TAS1R3: variants seen among roughly 807,000 people sequenced by gnomAD.
The protein encoded by TAS1R3 is taste 1 receptor member 3.
TAS1R3 carries 58 observed loss-of-function variants against 46.1 expected under a neutral mutation model. The ratio of observed to expected loss-of-function variants is 1.26; its 90% CI spans 1.02 to 1.57. TAS1R3 has a LOEUF of 1.57. TAS1R3 is among the 40% of genes most tolerant of loss of function. The probability of loss-of-function intolerance (pLI) is 0.00; values close to 1 mark genes in which losing one functional copy is unlikely to be tolerated. For missense variants in TAS1R3, 1,422 were observed against 1,185.8 expected, an observed-to-expected ratio of 1.20 and a Z score of -2.93; for synonymous variants, 724 against 544.7, an observed-to-expected ratio of 1.33 and a Z score of -4.58.
Position 1,332,194 on chromosome 1 carries a change from G to C in TAS1R3, c.663G>C (p.Gln221His), listed in dbSNP as rs1411531324. Residue 221 changes from glutamine (Q) to histidine (H), a missense_variant, in exon 3 of 6, where the codon CAG becomes CAC. Transcript: ENST00000339381. The stretch of plus-strand genomic sequence containing the variant: ...GCAGCGACGACGAGTACGGCCGGCA[G>C]GGCCTGAGCATCTTCTCGGCCCTGG... ...ALGSDDEYGR[Q>H]GLSIFSALAA... 5 of 1,595,106 alleles carry C rather than the reference G, an allele frequency of 3.1e-6. No individual in the cohort carries two copies. The highest frequency in any genetic ancestry group is 1.7e-6 in the Non-Finnish European group (2 of 1,177,378).
chr1:1,331,537 G>C lies in TAS1R3; in HGVS notation c.191+1G>C. ...GGCCCAGCAGCCCTGTGTGCACCAG[G>C]TACAGAGGTGGGACGGCCTGGGTCG... On this transcript the variant is annotated splice_donor_variant, in intron 1 of 5. Coordinates refer to ENST00000339381, the MANE Select transcript of TAS1R3 (RefSeq NM_152228.3). LOFTEE classifies it high-confidence loss of function. 1 of 1,598,576 alleles carries C rather than the reference G, an allele frequency of 6.3e-7. No homozygotes were observed. The highest frequency in any genetic ancestry group is 8.5e-7 in the Non-Finnish European group (1 of 1,172,962).
chr1:1,333,757 T>C lies in TAS1R3; in HGVS notation c.1852T>C (p.Cys618Arg). The change falls in exon 6 of 6, where the codon TGC (cysteine) becomes CGC (arginine). Residue 618 changes from cysteine to arginine, a missense_variant. Cys to Arg is a radical substitution (Grantham distance 180, BLOSUM62 -3). Transcript: ENST00000339381. ...CFGLVCLGLV[C>R]LSVLLFPGQP... ...TGGCCTGGTGTGCCTGGGCCTGGTC[T>C]GCCTCAGCGTCCTCCTGTTCCCTGG... 1 of 1,597,528 alleles carries C rather than the reference T, an allele frequency of 6.3e-7. No individual in the cohort carries two copies. Among genetic ancestry groups the C allele is most frequent in the South Asian group, 1.1e-5 (1 of 89,934 alleles).
At chr1:1,333,228 G>T in intron 4 of TAS1R3, 31 bp from the exon 5 acceptor site, 2 of 1,595,812 alleles carry the variant, frequency 1.3e-6, no homozygotes, top group South Asian at 1.1e-5. Context: ...ATGCCCAGCC[G>T]AGCAGAGCCA....
In TAS1R3 at chr1:1,332,491, G is replaced by C; in HGVS notation, c.960G>C (p.Thr320=). The change falls in exon 3 of 6, where the codon ACG becomes ACC. Residue 320 remains threonine, a synonymous_variant. Transcript: ENST00000339381. The part of the protein sequence containing the change: ...MGLPGMAQMG[T]VLGFLQRGAQ... ...TGCCCGGCATGGCCCAGATGGGCACGGTGCTTGGCTTCCTCCAGAGGGGTG... is the reference window on the plus strand; with the variant it reads ...TGCCCGGCATGGCCCAGATGGGCACCGTGCTTGGCTTCCTCCAGAGGGGTG... 16 of 1,610,600 alleles carry C rather than the reference G, an allele frequency of 9.9e-6. No individual in the cohort carries two copies. The highest frequency in any genetic ancestry group is 1.4e-5 in the Non-Finnish European group (16 of 1,179,918).
In TAS1R3 at chr1:1,332,394, T is replaced by G; in HGVS notation, c.863T>G (p.Ile288Ser). The change falls in exon 3 of 6, where the codon ATC becomes AGC. Residue 288 changes from isoleucine to serine, a missense_variant. Physicochemically the swap from Ile to Ser is moderately radical, Grantham distance 142. Transcript: ENST00000339381. ...GCCCACGCCCTCTTCAACTACAGCA[T>G]CAGCAGCAGGCTCTCGCCCAAGGTG... is the stretch of plus-strand genomic sequence containing the variant. ...HAAHALFNYS[I>S]SSRLSPKVWV... is the part of the protein sequence containing the mutation. 2 of 1,603,214 alleles carry G rather than the reference T, an allele frequency of 1.2e-6. No homozygotes were observed. Among genetic ancestry groups the G allele is most frequent in the Non-Finnish European group, 1.7e-6 (2 of 1,176,078 alleles).
chr1:1,334,626 G>A lies in TAS1R3; in HGVS notation c.*162G>A, dbSNP rs1400930648. The A allele has an allele frequency of 9.0e-6, 7 of 781,826 alleles. No homozygotes were observed. Among genetic ancestry groups the A allele is most frequent in the African/African-American group, 3.5e-5 (2 of 57,184 alleles). 48.4% of individuals were successfully genotyped at this position (781,826 alleles called of 1,614,324 possible). A position where few individuals can be genotyped will look rare whatever the true frequency, so the allele number is the denominator to read the frequency against. On this transcript the variant is annotated 3_prime_UTR_variant, in exon 6 of 6. Coordinates refer to ENST00000339381, the MANE Select transcript of TAS1R3 (RefSeq NM_152228.3). ...ACAGTGAGCCCTAGGCCTGGAGCAC[G>A]TGGACACCCCTGTGACCATCTGGGC... is the stretch of plus-strand genomic sequence containing the variant.
chr1:1,332,646 A>G lies in TAS1R3; in HGVS notation c.1115A>G (p.Gln372Arg), dbSNP rs1280813075. The G allele has an allele frequency of 1.9e-6, 3 of 1,608,214 alleles. No individual in the cohort carries two copies. Among genetic ancestry groups the G allele is most frequent in the Admixed American group, 1.7e-5 (1 of 59,936 alleles). Reference sequence around the variant, plus strand: ...GACGTGGTGGGCCAGCGCTGCCCGCAGTGTGACTGCATCACGCTGCAGAAC... The same window carrying G: ...GACGTGGTGGGCCAGCGCTGCCCGCGGTGTGACTGCATCACGCTGCAGAAC... ...EEDVVGQRCP[Q>R]CDCITLQNVS... The change falls in exon 3 of 6, where the codon CAG becomes CGG. Residue 372 changes from glutamine to arginine, a missense_variant. Coordinates refer to ENST00000339381, the MANE Select transcript of TAS1R3 (RefSeq NM_152228.3).
Position 1,333,557 on chromosome 1 carries a change from G to C in TAS1R3, c.1652G>C (p.Ser551Thr). Residue 551 changes from serine to threonine, a missense_variant, in exon 6 of 6, where the codon AGC (serine) becomes ACC (threonine). Transcript: ENST00000339381. ...CGQDEWSPER[S>T]TRCFRRRSRF... ...CAGGATGAGTGGTCCCCGGAGCGAA[G>C]CACACGCTGCTTCCGCCGCAGGTCT... The C allele has an allele frequency of 6.2e-7, 1 of 1,604,620 alleles. No homozygotes were observed. The highest frequency in any genetic ancestry group is 8.5e-7 in the Non-Finnish European group (1 of 1,179,870).
chr1:1,331,820 T>C lies in TAS1R3; in HGVS notation c.374T>C (p.Ile125Thr). 1 of 1,612,786 alleles carries C rather than the reference T, an allele frequency of 6.2e-7. No individual in the cohort carries two copies. The highest frequency in any genetic ancestry group is 8.5e-7 in the Non-Finnish European group (1 of 1,180,022). ...MFLAKAGSRD[I>T]AAYCNYTQYQ... is the part of the protein sequence containing the mutation. Reference sequence around the variant, plus strand: ...CTGGCCAAGGCAGGCAGCCGCGACATCGCCGCCTACTGCAACTACACGCAG... The same window carrying C: ...CTGGCCAAGGCAGGCAGCCGCGACACCGCCGCCTACTGCAACTACACGCAG... The change falls in exon 2 of 6, where the codon ATC becomes ACC. Residue 125 changes from isoleucine to threonine, a missense_variant. Physicochemically the swap from Ile to Thr is moderately conservative, Grantham distance 89. Coordinates refer to ENST00000339381, the MANE Select transcript of TAS1R3 (RefSeq NM_152228.3).
chr1:1,331,622 T>C lies in TAS1R3; in HGVS notation c.192-16T>C. On this transcript the variant is annotated splice_polypyrimidine_tract_variant and intron_variant, in intron 1 of 5. Coordinates refer to ENST00000339381, the MANE Select transcript of TAS1R3 (RefSeq NM_152228.3). ...CTGGGGCCGAGGTGGCCATCTGCGG[T>C]TCTGTGTGGCCCCAGGTTCTCCTCA... 1 of 1,607,840 alleles carries C rather than the reference T, an allele frequency of 6.2e-7. No homozygotes were observed. The highest frequency in any genetic ancestry group is 2.2e-5 in the East Asian group (1 of 44,722).
rs376312162 is a variant in TAS1R3, at chr1:1,332,008, C to T, written c.493-16C>T. ...TGGGAGCCCCTGTGTCAGGAGATGC[C>T]TCTTGGCCCTTGCAGGTCAGCTACG... On this transcript the variant is annotated splice_polypyrimidine_tract_variant and intron_variant, in intron 2 of 5. Transcript: ENST00000339381. 8.1e-6 allele frequency: 13 copies of T among 1,603,414 alleles called. No homozygotes were observed. The highest frequency in any genetic ancestry group is 1.1e-5 in the Non-Finnish European group (13 of 1,177,328).
Position 1,334,600 on chromosome 1 carries a change from C to A in TAS1R3, c.*136C>A. ...CCAGGTTGTCTCCTGACCCTGACCC[C>A]ACAGTGAGCCCTAGGCCTGGAGCAC... On this transcript the variant is annotated 3_prime_UTR_variant, in exon 6 of 6. Coordinates refer to ENST00000339381, the MANE Select transcript of TAS1R3 (RefSeq NM_152228.3). 9.9e-7 allele frequency: 1 copy of A among 1,009,954 alleles called. No homozygotes were observed. Among genetic ancestry groups the A allele is most frequent in the Non-Finnish European group, 1.4e-6 (1 of 711,742 alleles). 62.6% of individuals were successfully genotyped at this position (1,009,954 alleles called of 1,614,324 possible). A position where few individuals can be genotyped will look rare whatever the true frequency, so the allele number is the denominator to read the frequency against.
chr1:1,332,010 C>T lies in TAS1R3; in HGVS notation c.493-14C>T. The stretch of plus-strand genomic sequence containing the variant: ...GGAGCCCCTGTGTCAGGAGATGCCT[C>T]TTGGCCCTTGCAGGTCAGCTACGGT... On this transcript the variant is annotated splice_polypyrimidine_tract_variant and intron_variant, in intron 2 of 5. Transcript: ENST00000339381. 1 of 1,610,444 alleles carries T rather than the reference C, an allele frequency of 6.2e-7. No individual in the cohort carries two copies.
In TAS1R3 at chr1:1,331,401, CG is replaced by C; in HGVS notation, c.61del (p.Ala21ProfsTer11). 6.2e-7 allele frequency: 1 copy of C among 1,605,474 alleles called. No individual in the cohort carries two copies. The highest frequency in any genetic ancestry group is 8.5e-7 in the Non-Finnish European group (1 of 1,176,524). On this transcript the variant is annotated frameshift_variant, in exon 1 of 6. Transcript: ENST00000339381. LOFTEE classifies it high-confidence loss of function. Reference sequence around the variant, plus strand: ...CTCTGGGCTCTCCTGCACCCTGGGACGGGGGCCCCATTGTGCCTGTCACAGC... The same window carrying C: ...CTCTGGGCTCTCCTGCACCCTGGGACGGGGCCCCATTGTGCCTGTCACAGC... ...LSLWALLHPG[T>X]GAPLCLSQQL...
rs1643437504 is a variant in TAS1R3, at chr1:1,331,948, C to A, written c.492+10C>A. 6.2e-6 allele frequency: 10 copies of A among 1,608,976 alleles called. No individual in the cohort carries two copies. Among genetic ancestry groups the A allele is most frequent in the Non-Finnish European group, 8.5e-6 (10 of 1,177,452 alleles). On this transcript the variant is annotated intron_variant, in intron 2 of 5. Transcript: ENST00000339381. ...CTTCCTCATGCCCCAGGTGGGCGCC[C>A]CCCACCATCACCCACCCCCACCCAG...
rs367839729 is a variant in TAS1R3 at position 1,332,621 on chromosome 1, G to A, written c.1090G>A (p.Asp364Asn). Residue 364 changes from aspartate to asparagine, a missense_variant, in exon 3 of 6, where the codon GAC becomes AAC. Physicochemically the swap from Asp to Asn is conservative, Grantham distance 23. Coordinates refer to ENST00000339381, the MANE Select transcript of TAS1R3 (RefSeq NM_152228.3). ...LGEREQGLEE[D>N]VVGQRCPQCD... ...CGAGAGGGAGCAGGGTCTGGAGGAG[G>A]ACGTGGTGGGCCAGCGCTGCCCGCA... 3 of 1,609,944 alleles carry A rather than the reference G, an allele frequency of 1.9e-6. No homozygotes were observed. Among genetic ancestry groups the A allele is most frequent in the African/African-American group, 1.3e-5 (1 of 75,060 alleles).
At position 1,334,252 on chromosome 1, in the gene TAS1R3, G is replaced by A. The variant is rs1643503946; in HGVS notation, c.2347G>A (p.Ala783Thr). ...CTGGGTCTCCTTTGTGCCCCTCCTG[G>A]CCAATGTGCAGGTGGTCCTCAGGCC... ...ITWVSFVPLLANVQVVLRPAV... is the reference protein window; with the variant it reads ...ITWVSFVPLLTNVQVVLRPAV... The change falls in exon 6 of 6, where the codon GCC (alanine) becomes ACC (threonine). Residue 783 changes from alanine to threonine, a missense_variant. Transcript: ENST00000339381. The A allele has an allele frequency of 3.7e-6, 6 of 1,611,896 alleles. No homozygotes were observed. Among genetic ancestry groups the A allele is most frequent in the Non-Finnish European group, 5.1e-6 (6 of 1,179,590 alleles).
At position 1,333,101 on chromosome 1, in the gene TAS1R3, C is replaced by T. The variant is rs749209554; in HGVS notation, c.1456C>T (p.Arg486Cys). 2.5e-5 allele frequency: 41 copies of T among 1,611,868 alleles called. No homozygotes were observed. The highest frequency in any genetic ancestry group is 3.0e-5 in the Non-Finnish European group (35 of 1,179,616). ...CCTCAGGACAGAGCGCCTGAAGATC[C>T]GCTGGCACACGTCTGACAACCAGGT... ...GSLRTERLKI[R>C]WHTSDNQKPV... Residue 486 changes from arginine to cysteine, a missense_variant, in exon 4 of 6, where the codon CGC becomes TGC. Physicochemically the swap from Arg to Cys is radical, Grantham distance 180. Coordinates refer to ENST00000339381, the MANE Select transcript of TAS1R3 (RefSeq NM_152228.3).
chr1:1,333,555 A>C lies in TAS1R3; in HGVS notation c.1650A>C (p.Arg550=), dbSNP rs756265662. The C allele has an allele frequency of 1.9e-6, 3 of 1,604,386 alleles. No individual in the cohort carries two copies. Among genetic ancestry groups the C allele is most frequent in the African/African-American group, 2.7e-5 (2 of 74,916 alleles). ...FCGQDEWSPE[R]STRCFRRRSR... ...GCCAGGATGAGTGGTCCCCGGAGCG[A>C]AGCACACGCTGCTTCCGCCGCAGGT... The change falls in exon 6 of 6, where the codon CGA becomes CGC. Residue 550 remains arginine (R), a synonymous_variant. Coordinates refer to ENST00000339381, the MANE Select transcript of TAS1R3 (RefSeq NM_152228.3).
Sources: allele counts gnomAD v4.1 joint callset, GRCh38; gene constraint gnomAD v4.1.1; transcripts MANE v1.5; gene names NCBI Gene and HGNC (gene_info 2026-07-23, HGNC 2026-07-21).